Variants in MAGI1 observed in about 807,000 individuals in gnomAD.
MAGI1 encodes the protein membrane-associated guanylate kinase, WW and PDZ domain-containing protein 1.
MAGI1 carries 58 observed loss-of-function variants against 139.9 expected under a neutral mutation model. That is an observed-to-expected ratio of 0.41 (90% CI 0.34 to 0.52). MAGI1 has a LOEUF of 0.52. MAGI1 is among the 20% of genes least tolerant of loss of function. The pLI, the probability that MAGI1 is intolerant of heterozygous loss-of-function variation, is 0.12. For missense variants in MAGI1, 1,874 were observed against 1,901.6 expected (o/e 0.99, Z 0.27); for synonymous variants, 812 against 737.9 (o/e 1.10, Z -1.63).
At chr3:65,679,681 A>G (rs747569168) in intron 1 of MAGI1, among the ~76,000 whole-genome samples, 2 of 152,210 alleles carry the variant, frequency 1.3e-5, no homozygotes, top group Non-Finnish European at 2.9e-5. Context: ...GAGGTTCTGC[A>G]CGCTGCCTGT....
At chr3:65,979,006 C>A (rs538981140) in intron 1 of MAGI1, among the ~76,000 whole-genome samples, 2 of 151,678 alleles carry the variant, frequency 1.3e-5, no homozygotes, top group Non-Finnish European at 2.9e-5. Flanking sequence ...CTGAGCCCAA[C>A]TATCCATCTC....
chr3:65,859,099 G>A (rs1304431046), intron 1 of MAGI1, among the ~76,000 whole-genome samples: 1 of 152,176 alleles, frequency 6.6e-6, no homozygotes, highest in Non-Finnish European at 1.5e-5. Context: ...GTGGGAGGCT[G>A]AGGTGTGCAG....
At chr3:65,602,860 G>A (rs2082546081) in intron 2 of MAGI1, among the ~76,000 whole-genome samples, 3 of 151,898 alleles carry the variant, frequency 2.0e-5, no homozygotes, top group Non-Finnish European at 2.9e-5. Context: ...GACCATGAGT[G>A]GGGAAAGGAG....
At chr3:65,507,461 T>A (rs977470120) in intron 2 of MAGI1, among the ~76,000 whole-genome samples, 12 of 152,214 alleles carry the variant, frequency 7.9e-5, no homozygotes, top group African/African-American at 2.9e-4. Context: ...AGCCTGGTCA[T>A]AATATGGGTT....
chr3:65,494,302 A>G (rs1161715835), intron 2 of MAGI1, among the ~76,000 whole-genome samples: 2 of 152,186 alleles, frequency 1.3e-5, no homozygotes, highest in African/African-American at 4.8e-5. Flanking sequence ...TAATCTGGTC[A>G]TCTTCTCAGT....
chr3:65,540,928 G>A (rs1280000545), intron 2 of MAGI1, among the ~76,000 whole-genome samples: 4 of 152,208 alleles, frequency 2.6e-5, no homozygotes, highest in Admixed American at 2.6e-4. Context: ...TCCCCGTGGT[G>A]CAGCAAGCCC....
intron 12 of MAGI1, among the ~76,000 whole-genome samples, chr3:65,422,957 C>T (rs1946736258): frequency 6.6e-6 from 1 of 152,124 alleles, no homozygotes; most frequent in Admixed American, 6.5e-5. Context: ...CTTTAAAGCA[C>T]TGTAGCTGGA....
At chr3:65,612,398 G>A (rs2083170896) in intron 2 of MAGI1, among the ~76,000 whole-genome samples, 1 of 151,896 alleles carries the variant, frequency 6.6e-6, no homozygotes. Flanking sequence ...ATGTTTTGTA[G>A]CCATTTGAGC....
chr3:65,434,066 CA>C (rs919346272), intron 10 of MAGI1, among the ~76,000 whole-genome samples: 62 of 152,230 alleles, frequency 4.1e-4, no homozygotes, highest in African/African-American at 1.5e-3. Flanking sequence ...TTAGACTACA[CA>C]AATGAGGTAT....
chr3:65,812,462 T>TCACACACACACACACA (rs1442446498), intron 1 of MAGI1, among the ~76,000 whole-genome samples: 1 of 93,706 alleles, frequency 1.1e-5, no homozygotes, highest in South Asian at 5.9e-4. Context: ...TCTCTCTCTC[T>TCACACACACACACACA]CTCTCTCACA....
chr3:65,775,815 T>C (rs2038370609), intron 1 of MAGI1, among the ~76,000 whole-genome samples: 1 of 151,980 alleles, frequency 6.6e-6, no homozygotes, highest in African/African-American at 2.4e-5. Flanking sequence ...TGGTGGCACA[T>C]GCCTGTAGTC....
chr3:65,508,922 G>A (rs1396203633), intron 2 of MAGI1, among the ~76,000 whole-genome samples: 2 of 152,212 alleles, frequency 1.3e-5, no homozygotes, highest in Admixed American at 1.3e-4. Flanking sequence ...AGAGGGCAGA[G>A]GCAATCTTTA....
At chr3:65,468,678 T>C (rs898596634) in intron 5 of MAGI1, among the ~76,000 whole-genome samples, 1 of 152,056 alleles carries the variant, frequency 6.6e-6, no homozygotes, top group African/African-American at 2.4e-5. Flanking sequence ...CACCCGGCTG[T>C]CAAAGAGGGT....
intron 12 of MAGI1, among the ~76,000 whole-genome samples, chr3:65,407,453 A>G (rs1209493654): frequency 6.6e-6 from 1 of 152,136 alleles, no homozygotes; most frequent in African/African-American, 2.4e-5. Context: ...TCTCAAAAAA[A>G]AAAAAAAAAG....
At chr3:65,782,271 A>T (rs2038993706) in intron 1 of MAGI1, among the ~76,000 whole-genome samples, 2 of 152,208 alleles carry the variant, frequency 1.3e-5, no homozygotes, top group Admixed American at 1.3e-4. Context: ...TCTGTAAAAG[A>T]TAAGACTGTA....
At chr3:65,671,816 A>G (rs1333649282) in intron 1 of MAGI1, among the ~76,000 whole-genome samples, 1 of 152,150 alleles carries the variant, frequency 6.6e-6, no homozygotes, top group Non-Finnish European at 1.5e-5. Context: ...CCTCCTTGAC[A>G]GGCTTCTATT....
intron 1 of MAGI1, among the ~76,000 whole-genome samples, chr3:65,768,872 C>T (rs2037711520): frequency 6.6e-6 from 1 of 152,156 alleles, no homozygotes; most frequent in South Asian, 2.1e-4. Context: ...CTGCTCCGTA[C>T]AGAGAATAAT....
chr3:65,669,551 G>A (rs2086729929), intron 1 of MAGI1, among the ~76,000 whole-genome samples: 2 of 152,282 alleles, frequency 1.3e-5, no homozygotes, highest in South Asian at 2.1e-4. Context: ...CTTTGCTCTC[G>A]ACCAGTCTGC....
At chr3:65,690,668 C>T (rs1381262696) in intron 1 of MAGI1, among the ~76,000 whole-genome samples, 1 of 112,578 alleles carries the variant, frequency 8.9e-6, no homozygotes, top group Non-Finnish European at 1.7e-5. Context: ...TAAGTAGAGA[C>T]AGGGTTTCAC....
Sources: gnomAD v4.1 joint callset for allele counts (sites outside exome capture counted in the v4.1 genomes callset) on GRCh38, gnomAD v4.1.1 for gene constraint, MANE v1.5 for transcripts, NCBI Gene and HGNC (gene_info 2026-07-23, HGNC 2026-07-21) for gene names.